Variants in NLGN4X observed in about 807,000 individuals in gnomAD.
The protein encoded by NLGN4X is neuroligin-4, X-linked.
Under a neutral mutation model 40.3 loss-of-function variants are expected in NLGN4X, and 3 were observed. The observed-to-expected ratio is 0.07, with a 90% CI of 0.03 to 0.19. The LOEUF is 0.19. NLGN4X is among the 10% of genes least tolerant of loss of function. The probability of loss-of-function intolerance (pLI) is 1.00; values close to 1 mark genes in which losing one functional copy is unlikely to be tolerated. For synonymous variants in NLGN4X, 270 were observed against 306.8 expected (o/e 0.88, Z 1.25); for missense variants, 382 against 708.3 (o/e 0.54, Z 5.23).
At chrX:6,158,847 C>G (rs1005541522) in intron 1 of NLGN4X, among the ~76,000 whole-genome samples, 1 of 112,111 alleles carries the variant, frequency 8.9e-6, no homozygotes, top group Non-Finnish European at 1.9e-5. Context: ...CCCCATGTGT[C>G]CATGTGTTCT....
In NLGN4X at chrX:5,960,067, AG is replaced by A. The variant is rs1274305218; in HGVS notation, c.626-50829del. On this transcript the variant is annotated intron_variant, in intron 3 of 5. Transcript: ENST00000381095. Reference sequence around the variant, plus strand: ...ATCATAAAGCTGCAAAAGTAGAAAGAGGGTTTTACACTGCAGTGTTGTCGAT... The same window carrying A: ...ATCATAAAGCTGCAAAAGTAGAAAGAGGTTTTACACTGCAGTGTTGTCGAT... Among the ~76,000 whole-genome samples the A allele has an allele frequency of 8.1e-5, 9 of 111,472 alleles. No individual in the cohort carries two copies. The East Asian group carries it at 2.5e-3, about 31-fold the overall frequency.
At chrX:5,918,488 C>T (rs1444265013) in intron 3 of NLGN4X, among the ~76,000 whole-genome samples, 1 of 111,678 alleles carries the variant, frequency 9.0e-6, no homozygotes, top group African/African-American at 3.3e-5. Context: ...CAGTGGAATG[C>T]TTAGTTTCAG....
At chrX:5,897,389 G>C (rs73450224) in intron 5 of NLGN4X, among the ~76,000 whole-genome samples, 2,250 of 111,630 alleles carry the variant, frequency 0.02, 43 homozygotes, top group African/African-American at 0.069. Flanking sequence ...TAATTTTCCA[G>C]GAAAAGGACT....
chrX:5,943,862 T>A (rs1239722492), intron 3 of NLGN4X, among the ~76,000 whole-genome samples: 1 of 112,384 alleles, frequency 8.9e-6, no homozygotes, highest in African/African-American at 3.2e-5. Flanking sequence ...AGAACTGAGA[T>A]AGGCCAGGGA....
intron 1 of NLGN4X, among the ~76,000 whole-genome samples, chrX:6,190,569 C>A (rs1414008592): frequency 8.9e-6 from 1 of 111,942 alleles, no homozygotes; most frequent in Non-Finnish European, 1.9e-5. Context: ...TCCAGATTTT[C>A]AATTGTGAAA....
chrX:5,984,060 T>C (rs1290901575), intron 3 of NLGN4X, among the ~76,000 whole-genome samples: 1 of 110,624 alleles, frequency 9.0e-6, no homozygotes, highest in Non-Finnish European at 1.9e-5. Context: ...TATTAGTCAA[T>C]GAAACCAAAA....
At chrX:5,979,797 C>CACATACATATATATGTGTATATAT (rs2035324664) in intron 3 of NLGN4X, among the ~76,000 whole-genome samples, 1 of 100,975 alleles carries the variant, frequency 9.9e-6, no homozygotes, top group Non-Finnish European at 1.9e-5. Flanking sequence ...TATATATACA[C>CACATACATATATATGTGTATATAT]ACATACATAT....
intron 3 of NLGN4X, among the ~76,000 whole-genome samples, chrX:6,027,983 A>AT (rs2036752991): frequency 9.1e-6 from 1 of 109,705 alleles, no homozygotes; most frequent in Non-Finnish European, 1.9e-5. Context: ...GGCCCAGTTA[A>AT]TTTTTGTATT....
At chrX:6,042,730 T>TATATATATATATACAC (rs1215396694) in intron 2 of NLGN4X, among the ~76,000 whole-genome samples, 1 of 20,168 alleles carries the variant, frequency 5.0e-5, no homozygotes, top group East Asian at 1.8e-3. Context: ...TATATATATA[T>TATATATATATATACAC]ACACACACAC....
chrX:5,948,727 T>C (rs1239178698), intron 3 of NLGN4X, among the ~76,000 whole-genome samples: 4 of 112,333 alleles, frequency 3.6e-5, no homozygotes, highest in Non-Finnish European at 7.5e-5. Context: ...GTGCCTGCTC[T>C]GGTTAGCTAA....
At chrX:5,988,267 T>C (rs1474652465) in intron 3 of NLGN4X, among the ~76,000 whole-genome samples, 2 of 111,868 alleles carry the variant, frequency 1.8e-5, no homozygotes, top group South Asian at 3.8e-4. Flanking sequence ...CTCAGGTCTA[T>C]AGCATTGTCT....
chrX:6,213,973 C>T (rs774393013), intron 1 of NLGN4X, among the ~76,000 whole-genome samples: 2 of 111,924 alleles, frequency 1.8e-5, no homozygotes, highest in South Asian at 3.7e-4. Flanking sequence ...TTATCCACTG[C>T]GGCATTCTCA....
chrX:5,999,057 A>C (rs2035907041), intron 3 of NLGN4X, among the ~76,000 whole-genome samples: 1 of 111,847 alleles, frequency 8.9e-6, no homozygotes, highest in African/African-American at 3.3e-5. Context: ...TTGTAGAGGA[A>C]GCTTCTGAAC....
intron 1 of NLGN4X, among the ~76,000 whole-genome samples, chrX:6,179,174 A>G (rs1172876886): frequency 9.2e-6 from 1 of 108,992 alleles, no homozygotes; most frequent in African/African-American, 3.4e-5. Context: ...GTATGTGTGT[A>G]TGCATACATT....
chrX:6,130,034 T>TGC (rs1176467256), intron 2 of NLGN4X, among the ~76,000 whole-genome samples: 1 of 109,819 alleles, frequency 9.1e-6, no homozygotes, highest in Non-Finnish European at 1.9e-5. Context: ...TACAGGTACG[T>TGC]GCCATCACAC....
chrX:5,937,529 C>G (rs886987542), intron 3 of NLGN4X, among the ~76,000 whole-genome samples: 2 of 111,758 alleles, frequency 1.8e-5, no homozygotes, highest in African/African-American at 6.5e-5. Flanking sequence ...TTTGGACTTC[C>G]AGAGCGACTA....
chrX:6,024,371 G>A (rs75595409), intron 3 of NLGN4X, among the ~76,000 whole-genome samples: 1 of 111,185 alleles, frequency 9.0e-6, no homozygotes, highest in Non-Finnish European at 1.9e-5. Context: ...AGAGGCATTG[G>A]TGAACTTGAG....
chrX:6,114,129 T>C (rs1445433568), intron 2 of NLGN4X, among the ~76,000 whole-genome samples: 4 of 111,738 alleles, frequency 3.6e-5, no homozygotes, highest in Non-Finnish European at 7.5e-5. Flanking sequence ...CTACTTCTGT[T>C]AAACCAATAA....
intron 2 of NLGN4X, among the ~76,000 whole-genome samples, chrX:6,047,506 G>A (rs753262965): frequency 9.0e-6 from 1 of 111,083 alleles, no homozygotes; most frequent in East Asian, 2.8e-4. Context: ...AAAAAGAGAT[G>A]GATGATGGAG....
Sources: gnomAD v4.1 joint callset for allele counts (sites outside exome capture counted in the v4.1 genomes callset) on GRCh38, gnomAD v4.1.1 for gene constraint, MANE v1.5 for transcripts, NCBI Gene and HGNC (gene_info 2026-07-23, HGNC 2026-07-21) for gene names.